The following LSAMP variants were observed in gnomAD, a reference collection of about 807,000 sequenced individuals.
LSAMP encodes limbic system associated membrane protein.
In LSAMP, 7 loss-of-function variants were observed where a neutral mutation model predicts 38.6. That is an observed-to-expected ratio of 0.18 (90% CI 0.10 to 0.34). LSAMP has a LOEUF of 0.34. Among genes scored for constraint, LSAMP ranks in the 10% least tolerant of loss-of-function variants. The probability of loss-of-function intolerance (pLI) is 1.00; values close to 1 mark genes in which losing one functional copy is unlikely to be tolerated. For missense variants in LSAMP, 313 were observed against 420.0 expected (o/e 0.75, Z 2.23); for synonymous variants, 154 against 166.8 (o/e 0.92, Z 0.59).
intron 1 of LSAMP, among the ~76,000 whole-genome samples, chr3:116,399,644 A>T (rs1386213193): frequency 6.6e-6 from 1 of 152,206 alleles, no homozygotes; most frequent in South Asian, 2.1e-4. Flanking sequence ...AGTGATAAAA[A>T]TACTGTGCAT....
At chr3:116,212,401 T>C (rs1276204462) in intron 1 of LSAMP, among the ~76,000 whole-genome samples, 1 of 152,180 alleles carries the variant, frequency 6.6e-6, no homozygotes, top group East Asian at 1.9e-4. Flanking sequence ...GAAAAGCCAG[T>C]TTTAAACAGA....
At chr3:116,139,211 A>G (rs1327913137) in intron 1 of LSAMP, among the ~76,000 whole-genome samples, 1 of 151,934 alleles carries the variant, frequency 6.6e-6, no homozygotes, top group East Asian at 1.9e-4. Flanking sequence ...GACTTTTACC[A>G]AGTACATTCT....
At chr3:115,839,397 TA>T (rs1934923851) in intron 6 of LSAMP, among the ~76,000 whole-genome samples, 1 of 151,986 alleles carries the variant, frequency 6.6e-6, no homozygotes, top group Admixed American at 6.6e-5. Flanking sequence ...AAGTTCTAGC[TA>T]TGCAGGTTGT....
intron 1 of LSAMP, among the ~76,000 whole-genome samples, chr3:116,281,664 A>G (rs796229695): frequency 1.3e-5 from 2 of 152,198 alleles, no homozygotes; most frequent in Non-Finnish European, 2.9e-5. Flanking sequence ...CACAAATACA[A>G]ATCTAAGAGC....
chr3:116,146,794 A>G (rs549246460), intron 1 of LSAMP, among the ~76,000 whole-genome samples: 1 of 152,058 alleles, frequency 6.6e-6, no homozygotes, highest in Non-Finnish European at 1.5e-5. Context: ...ACAGAATCAT[A>G]TCAATTTGGT....
chr3:115,888,492 C>T (rs1055045654), intron 3 of LSAMP, among the ~76,000 whole-genome samples: 11 of 151,874 alleles, frequency 7.2e-5, no homozygotes, highest in Non-Finnish European at 1.6e-4. Flanking sequence ...TAAATCATCC[C>T]CCATGCTGTC....
intron 1 of LSAMP, among the ~76,000 whole-genome samples, chr3:116,165,543 C>T (rs1456231287): frequency 6.6e-6 from 1 of 152,138 alleles, no homozygotes; most frequent in Non-Finnish European, 1.5e-5. Flanking sequence ...GATGTCTGAA[C>T]ACAAACACAC....
rs1019010712 is a variant in LSAMP, at chr3:116,412,109, T to G, written c.155+32768A>C. ...AGAAAGCGGACTAAGGCAGTTATAT[T>G]GCTGATACCATTATTACCACTAATT... On this transcript the variant is annotated intron_variant, in intron 1 of 6. Coordinates refer to ENST00000490035, the MANE Select transcript of LSAMP (RefSeq NM_002338.5). 2.6e-5 allele frequency among the ~76,000 whole-genome samples: 4 copies of G among 152,086 alleles called. No individual in the cohort carries two copies. The South Asian group carries it at 8.3e-4, about 31-fold the overall frequency.
chr3:116,207,235 T>G (rs1232736286), intron 1 of LSAMP, among the ~76,000 whole-genome samples: 1 of 152,090 alleles, frequency 6.6e-6, no homozygotes, highest in Non-Finnish European at 1.5e-5. Flanking sequence ...ACCCCTGCCT[T>G]TTTCTGTTTT....
intron 3 of LSAMP, among the ~76,000 whole-genome samples, chr3:115,868,644 A>G (rs1052252192): frequency 2.6e-5 from 4 of 152,116 alleles, no homozygotes; most frequent in African/African-American, 9.6e-5. Flanking sequence ...CATTTTAAAT[A>G]CACATATTTA....
chr3:116,420,892 T>C lies in LSAMP; in HGVS notation c.155+23985A>G, dbSNP rs137891965. Among the ~76,000 whole-genome samples the C allele has an allele frequency of 9.2e-5, 14 of 152,074 alleles. No homozygotes were observed. In the East Asian group the frequency reaches 2.7e-3, roughly 29 times the overall value. ...ACTTGTGTCTTAAAAAATAAATATA[T>C]AAATAAATTGGCAAAGATGCCAAAG... On this transcript the variant is annotated intron_variant, in intron 1 of 6. Transcript: ENST00000490035.
chr3:116,326,861 T>C (rs2047780062), intron 1 of LSAMP, among the ~76,000 whole-genome samples: 1 of 152,078 alleles, frequency 6.6e-6, no homozygotes, highest in Non-Finnish European at 1.5e-5. Context: ...CTCAGGCTTT[T>C]AATGGTATGG....
intron 1 of LSAMP, among the ~76,000 whole-genome samples, chr3:116,350,271 A>G (rs753664908): frequency 5.9e-5 from 9 of 152,096 alleles, no homozygotes; most frequent in Non-Finnish European, 7.4e-5. Context: ...AGATAAGGGC[A>G]TCTGAGCCCT....
chr3:116,336,192 T>C (rs2047917651), intron 1 of LSAMP, among the ~76,000 whole-genome samples: 1 of 151,868 alleles, frequency 6.6e-6, no homozygotes, highest in Admixed American at 6.6e-5. Context: ...CTTCACAACA[T>C]TGGATTTGGC....
At chr3:116,227,719 C>T (rs780998201) in intron 1 of LSAMP, among the ~76,000 whole-genome samples, 3 of 151,776 alleles carry the variant, frequency 2.0e-5, no homozygotes, top group Non-Finnish European at 4.4e-5. Context: ...GGTGACTGCT[C>T]ACATATGGAA....
intron 1 of LSAMP, among the ~76,000 whole-genome samples, chr3:116,444,394 C>CAG (rs1344003084): frequency 6.8e-6 from 1 of 147,790 alleles, no homozygotes; most frequent in Non-Finnish European, 1.5e-5. Flanking sequence ...GCATGAAAAA[C>CAG]ACACACACAC....
intron 3 of LSAMP, among the ~76,000 whole-genome samples, chr3:115,906,582 G>A (rs1434263464): frequency 1.3e-5 from 2 of 152,122 alleles, no homozygotes; most frequent in Non-Finnish European, 2.9e-5. Context: ...ATTAACTTTA[G>A]AGTCCCATTT....
intron 3 of LSAMP, among the ~76,000 whole-genome samples, chr3:115,905,526 T>G (rs1204317687): frequency 6.6e-6 from 1 of 152,072 alleles, no homozygotes; most frequent in Non-Finnish European, 1.5e-5. Flanking sequence ...AAATCCAAAA[T>G]AGATACCCCA....
chr3:116,275,215 G>A, intron 1 of LSAMP, among the ~76,000 whole-genome samples: 2 of 151,834 alleles, frequency 1.3e-5, no homozygotes, highest in Admixed American at 1.3e-4. Flanking sequence ...ATCATGCCTG[G>A]CTAATTAAAA....
Sources: gnomAD v4.1 joint callset for allele counts (sites outside exome capture counted in the v4.1 genomes callset) on GRCh38, gnomAD v4.1.1 for gene constraint, MANE v1.5 for transcripts, NCBI Gene and HGNC (gene_info 2026-07-23, HGNC 2026-07-21) for gene names.